PTPRG: variants seen among roughly 807,000 people sequenced by gnomAD.
PTPRG encodes the protein protein tyrosine phosphatase receptor type G.
In PTPRG, 102 loss-of-function variants were observed where a neutral mutation model predicts 165.3. That is an observed-to-expected ratio of 0.62 (90% CI 0.53 to 0.73). The LOEUF (loss-of-function observed/expected upper bound fraction) is 0.73, where lower values mean the gene tolerates loss of function less well. Among genes scored for constraint, PTPRG ranks in the 30% least tolerant of loss-of-function variants. PTPRG has a pLI of 0.00. For synonymous variants in PTPRG, 675 were observed against 669.5 expected (o/e 1.01, Z -0.13); for missense variants, 1,866 against 1,861.4 (o/e 1.00, Z -0.05).
intron 2 of PTPRG, among the ~76,000 whole-genome samples, chr3:61,905,716 T>G (rs2038629700): frequency 1.3e-5 from 2 of 152,192 alleles, no homozygotes; most frequent in African/African-American, 4.8e-5. Flanking sequence ...ACTTTGTTGA[T>G]TTTCACTCTT....
At chr3:61,590,091 C>T (rs1022740466) in intron 1 of PTPRG, among the ~76,000 whole-genome samples, 9 of 151,912 alleles carry the variant, frequency 5.9e-5, no homozygotes, top group Middle Eastern at 3.4e-3. Context: ...AGCTTGTGTC[C>T]GTGTACCATT....
chr3:61,742,880 C>G, intron 1 of PTPRG: 5 of 1,539,904 alleles, frequency 3.2e-6, no homozygotes, highest in Non-Finnish European at 4.5e-6. Context: ...ACGGCCTTAG[C>G]CTCGTCACAG....
rs537671754 is a variant in PTPRG at position 61,830,499 on chromosome 3, A to G, written c.190+81517A>G. Among the ~76,000 whole-genome samples, 4 of 151,594 alleles carry G rather than the reference A, an allele frequency of 2.6e-5. No homozygotes were observed. In the East Asian group the frequency reaches 5.8e-4, roughly 22 times the overall value. On this transcript the variant is annotated intron_variant, in intron 2 of 29. Coordinates refer to ENST00000474889, the MANE Select transcript of PTPRG (RefSeq NM_002841.4). Reference sequence around the variant, plus strand: ...GCTGATTCTTGACAGATTTGTCCACAATGTTCTCATCTTTGAATCTTCGAC... The same window carrying G: ...GCTGATTCTTGACAGATTTGTCCACGATGTTCTCATCTTTGAATCTTCGAC...
chr3:62,081,955 C>T (rs1015955439), intron 5 of PTPRG, among the ~76,000 whole-genome samples: 4 of 152,184 alleles, frequency 2.6e-5, no homozygotes, highest in Non-Finnish European at 5.9e-5. Flanking sequence ...GCATAATAAA[C>T]ACAATCTTCT....
chr3:61,649,746 G>T (rs765105147), intron 1 of PTPRG, among the ~76,000 whole-genome samples: 1 of 152,148 alleles, frequency 6.6e-6, no homozygotes, highest in Non-Finnish European at 1.5e-5. Flanking sequence ...TATTACATTG[G>T]CTCCTCTTAG....
intron 4 of PTPRG, among the ~76,000 whole-genome samples, chr3:62,023,459 T>C (rs1404984370): frequency 6.6e-6 from 1 of 152,180 alleles, no homozygotes; most frequent in Non-Finnish European, 1.5e-5. Flanking sequence ...TGCTGGGATT[T>C]CTCCAGTCAT....
intron 4 of PTPRG, among the ~76,000 whole-genome samples, chr3:62,035,967 A>G (rs564289764): frequency 6.6e-6 from 1 of 151,970 alleles, no homozygotes; most frequent in Non-Finnish European, 1.5e-5. Context: ...GCATTAATTC[A>G]GGGATGTATT....
chr3:62,240,893 G>A lies in PTPRG; in HGVS notation c.2376-2914G>A, dbSNP rs1701144262. On this transcript the variant is annotated intron_variant, in intron 14 of 29. Coordinates refer to ENST00000474889, the MANE Select transcript of PTPRG (RefSeq NM_002841.4). The surrounding 1 kb of genome is among the most constrained non-coding windows in gnomAD (Gnocchi z 5.1). ...TCTTCATTGCTCTTGACTATTTGAAGCAATTTATTTGCTTGTTGTGGATTT... is the reference window on the plus strand; with the variant it reads ...TCTTCATTGCTCTTGACTATTTGAAACAATTTATTTGCTTGTTGTGGATTT... 6.6e-6 allele frequency among the ~76,000 whole-genome samples: 1 copy of A among 152,120 alleles called. No individual in the cohort carries two copies. The highest frequency in any genetic ancestry group is 1.5e-5 in the Non-Finnish European group (1 of 68,034).
chr3:61,995,733 TTCCTTCCTTCCTTCCC>T (rs2041023276), intron 3 of PTPRG, among the ~76,000 whole-genome samples: 2 of 124,194 alleles, frequency 1.6e-5, no homozygotes, highest in African/African-American at 3.0e-5. Flanking sequence ...CCTTCCTTCC[TTCCTTCCTTCCTTCCC>T]TCCCTCTCTC....
chr3:62,276,883 G>C (rs1330844507), intron 24 of PTPRG, 89 bp from the exon 25 acceptor site: 1 of 963,858 alleles, frequency 1.0e-6, no homozygotes, highest in Non-Finnish European at 1.7e-6. Context: ...AGGAGGATAT[G>C]TTATTCATCA....
At chr3:62,211,716 G>A (rs1700362753) in intron 12 of PTPRG, among the ~76,000 whole-genome samples, 1 of 152,116 alleles carries the variant, frequency 6.6e-6, no homozygotes, top group South Asian at 2.1e-4. Context: ...GAGGCCTCTT[G>A]GATCCAAGCT....
At chr3:62,212,361 C>CA (rs1446209171) in intron 12 of PTPRG, among the ~76,000 whole-genome samples, 7 of 152,136 alleles carry the variant, frequency 4.6e-5, no homozygotes, top group African/African-American at 1.7e-4. Context: ...AGAGCAACAG[C>CA]ATGGTTAGTT....
In PTPRG at chr3:62,296,778, T is replaced by C. The variant is rs1576240813; in HGVS notation, c.*3471T>C. On this transcript the variant is annotated 3_prime_UTR_variant, in exon 30 of 30. Coordinates refer to ENST00000474889, the MANE Select transcript of PTPRG (RefSeq NM_002841.4). ...AAGGCATGCTACAAATAGGAAGGAATTGTAATAATGATATTTGGCCTCTAC... is the reference window on the plus strand; with the variant it reads ...AAGGCATGCTACAAATAGGAAGGAACTGTAATAATGATATTTGGCCTCTAC... 6.6e-6 allele frequency: 1 copy of C among 152,160 alleles called. No individual in the cohort carries two copies. The highest frequency in any genetic ancestry group is 1.9e-4 in the East Asian group (1 of 5,188). 9.4% of individuals were successfully genotyped at this position (152,160 alleles called of 1,614,324 possible).
At chr3:61,628,170 A>C (rs1310177197) in intron 1 of PTPRG, among the ~76,000 whole-genome samples, 1 of 152,180 alleles carries the variant, frequency 6.6e-6, no homozygotes, top group African/African-American at 2.4e-5. Context: ...TGTGCTAGGC[A>C]CTGGGGAATA....
At chr3:61,935,052 C>T (rs1413584398) in intron 2 of PTPRG, among the ~76,000 whole-genome samples, 2 of 152,086 alleles carry the variant, frequency 1.3e-5, no homozygotes, top group African/African-American at 4.8e-5. Flanking sequence ...GGTTTACAGA[C>T]ATCCTCCTCT....
chr3:61,751,923 G>A (rs547986085), intron 2 of PTPRG, among the ~76,000 whole-genome samples: 26 of 152,078 alleles, frequency 1.7e-4, no homozygotes, highest in Non-Finnish European at 3.7e-4. Flanking sequence ...AACCCGGGAG[G>A]CGGAGCTTGC....
In PTPRG at chr3:62,099,897, C is replaced by G. The variant is rs373494404; in HGVS notation, c.615+21639C>G. On this transcript the variant is annotated intron_variant, in intron 5 of 29. Coordinates refer to ENST00000474889, the MANE Select transcript of PTPRG (RefSeq NM_002841.4). Reference sequence around the variant, plus strand: ...CACCACAGCCTCCGCCTCCCAGGTTCAAGCGATTCTCCTGCCTCAGCCTCC... The same window carrying G: ...CACCACAGCCTCCGCCTCCCAGGTTGAAGCGATTCTCCTGCCTCAGCCTCC... Among the ~76,000 whole-genome samples the G allele has an allele frequency of 5.4e-5, 8 of 146,824 alleles. No homozygotes were observed. The South Asian group carries it at 1.1e-3, about 20-fold the overall frequency.
At chr3:62,111,448 G>A (rs1433631430) in intron 5 of PTPRG, among the ~76,000 whole-genome samples, 1 of 152,160 alleles carries the variant, frequency 6.6e-6, no homozygotes, top group African/African-American at 2.4e-5. Context: ...AAAAGAATCT[G>A]TCATTTTCTT....
intron 13 of PTPRG, among the ~76,000 whole-genome samples, chr3:62,225,884 C>T (rs1418097660): frequency 6.6e-6 from 1 of 151,974 alleles, no homozygotes; most frequent in Non-Finnish European, 1.5e-5. Context: ...AAACTCCTGA[C>T]CTCAGGTGAT....
Sources: allele counts gnomAD v4.1 joint callset (sites outside exome capture counted in the v4.1 genomes callset), GRCh38; gene constraint gnomAD v4.1.1; non-coding constraint Gnocchi (gnomAD v3.1); transcripts MANE v1.5; gene names NCBI Gene and HGNC (gene_info 2026-07-23, HGNC 2026-07-21).